ADCK5: variants seen among roughly 807,000 people sequenced by gnomAD.
The protein encoded by ADCK5 is uncharacterized aarF domain-containing protein kinase 5.
ADCK5 carries 43 observed loss-of-function variants against 64.9 expected under a neutral mutation model. The ratio of observed to expected loss-of-function variants is 0.66; its 90% CI spans 0.52 to 0.85. The LOEUF is 0.85. ADCK5 is among the 40% of genes least tolerant of loss of function. The pLI, the probability that ADCK5 is intolerant of heterozygous loss-of-function variation, is 0.00. For synonymous variants in ADCK5, 434 were observed against 342.8 expected (o/e 1.27, Z -2.94); for missense variants, 760 against 810.5 (o/e 0.94, Z 0.76).
At position 144,392,817 on chromosome 8, in the gene ADCK5, G is replaced by C. The variant is rs191475627; in HGVS notation, c.1562G>C (p.Arg521Pro). 1.3e-6 allele frequency: 2 copies of C among 1,593,116 alleles called. 1 individual carries two copies. The highest frequency in any genetic ancestry group is 1.7e-6 in the Non-Finnish European group (2 of 1,174,444). ...AGCCGCCTGGCGGGCGCCACGTATC[G>C]GGGTGTCTACGGCACCAGCCTCCTG... ...GWSRLAGATY[R>P]GVYGTSLLRH... The change falls in exon 14 of 15, where the codon CGG becomes CCG. Residue 521 changes from arginine to proline, a missense_variant. Physicochemically the swap from Arg to Pro is moderately radical, Grantham distance 103. Coordinates refer to ENST00000308860, the MANE Select transcript of ADCK5 (RefSeq NM_174922.5).
In ADCK5 at chr8:144,383,165, C is replaced by A; in HGVS notation, c.201C>A (p.Val67=). The A allele has an allele frequency of 3.1e-6, 5 of 1,600,072 alleles. No homozygotes were observed. The highest frequency in any genetic ancestry group is 2.6e-6 in the Non-Finnish European group (3 of 1,173,648). ...CCCTGCTCCTCGGAGCCCGCTATGT[C>A]ATGGCAGAGGCACGGGAGAAGAGGA... ...GAPLLLGARY[V]MAEAREKRRM... is the part of the protein sequence containing the mutation. Residue 67 remains valine (V), a synonymous_variant, in exon 3 of 15, where the codon GTC becomes GTA. Coordinates refer to ENST00000308860, the MANE Select transcript of ADCK5 (RefSeq NM_174922.5).
At chr8:144,378,072 G>C (rs1402840716) in intron 1 of ADCK5, among the ~76,000 whole-genome samples, 1 of 152,206 alleles carries the variant, frequency 6.6e-6, no homozygotes, top group Non-Finnish European at 1.5e-5. Flanking sequence ...GGGTATGTTT[G>C]ATGCCCTGTC....
rs1819831420 is a variant in ADCK5, at chr8:144,384,640, G to A, written c.266+1410G>A. On this transcript the variant is annotated intron_variant, in intron 3 of 14. Transcript: ENST00000308860. This position sits in a 1 kb window ranked among gnomAD's most constrained non-coding sequence, Gnocchi z 5.7. ...CTGCAGTGCATGCAAGGGCCACACA[G>A]GGCTGCCAGCCACCGTCCCCTGCAG... Among the ~76,000 whole-genome samples the A allele has an allele frequency of 6.6e-6, 1 of 152,200 alleles. No homozygotes were observed. The highest frequency in any genetic ancestry group is 2.4e-5 in the African/African-American group (1 of 41,456).
Position 144,392,876 on chromosome 8 carries a change from T to C in ADCK5, c.1621T>C (p.Phe541Leu). ...CAAGGTCGTCTGGGAGATGCTCAAG[T>C]TTGAAGTGGCGCTCAGGTGAGTGGC... ...HAKVVWEMLK[F>L]EVALRLETLA... Residue 541 changes from phenylalanine to leucine, a missense_variant, in exon 14 of 15, where the codon TTT becomes CTT. By Grantham distance (22) the Phe-to-Leu change is conservative (BLOSUM62 0). Around this residue, in one of 2 missense-constraint regions of ADCK5, gnomAD observed 333 missense variants for 292.0 expected, o/e 1.14. Coordinates refer to ENST00000308860, the MANE Select transcript of ADCK5 (RefSeq NM_174922.5). The C allele has an allele frequency of 1.2e-6, 2 of 1,601,862 alleles. No individual in the cohort carries two copies. The highest frequency in any genetic ancestry group is 1.7e-6 in the Non-Finnish European group (2 of 1,177,052).
At chr8:144,385,564 T>C (rs1487068661) in intron 3 of ADCK5, among the ~76,000 whole-genome samples, 1 of 150,718 alleles carries the variant, frequency 6.6e-6, no homozygotes, top group Non-Finnish European at 1.5e-5. Flanking sequence ...GGGGAATCAC[T>C]TGAACCTGGG....
chr8:144,382,821 T>C (rs1819737437), intron 2 of ADCK5, among the ~76,000 whole-genome samples: 1 of 152,238 alleles, frequency 6.6e-6, no homozygotes, highest in African/African-American at 2.4e-5. Context: ...CCATGTCCCA[T>C]GGCCCATTGG....
intron 1 of ADCK5, among the ~76,000 whole-genome samples, chr8:144,375,947 T>C (rs1386920132): frequency 6.6e-6 from 1 of 152,150 alleles, no homozygotes; most frequent in Non-Finnish European, 1.5e-5. Context: ...CTGGGTGCGG[T>C]TGGGGCTGTG....
rs1554861666 is a variant in ADCK5, at chr8:144,392,982, G to A, written c.1651G>A (p.Ala551Thr). The part of the protein sequence containing the change: ...FEVALRLETL[A>T]MRLTALLARA... The stretch of plus-strand genomic sequence containing the variant: ...TGACCCACGCAGGCTGGAGACCTTG[G>A]CCATGCGGCTGACCGCCCTCCTGGC... Residue 551 changes from alanine (A) to threonine (T), a missense_variant, in exon 15 of 15, where the codon GCC (alanine) becomes ACC (threonine). Transcript: ENST00000308860. 3.1e-6 allele frequency: 5 copies of A among 1,588,590 alleles called. No homozygotes were observed. In the Admixed American group the frequency reaches 7.0e-5, roughly 22 times the overall value.
At chr8:144,383,041 G>GT (rs1819748424) in intron 2 of ADCK5, 40 bp from the exon 3 acceptor site, 1 of 1,567,612 alleles carries the variant, frequency 6.4e-7, no homozygotes, top group Non-Finnish European at 8.6e-7. Context: ...CCAGCTGAAT[G>GT]TGGGGGGCGG....
intron 1 of ADCK5, among the ~76,000 whole-genome samples, chr8:144,378,502 G>C (rs1819468337): frequency 6.6e-6 from 1 of 151,934 alleles, no homozygotes; most frequent in South Asian, 2.1e-4. Context: ...TACTGTGCTT[G>C]CTTCCCATTT....
intron 1 of ADCK5, among the ~76,000 whole-genome samples, chr8:144,379,086 A>T (rs138227171): frequency 6.6e-6 from 1 of 151,764 alleles, no homozygotes; most frequent in Non-Finnish European, 1.5e-5. Flanking sequence ...TACATGCACC[A>T]CTATGCCCAA....
chr8:144,375,416 A>G, intron 1 of ADCK5: 1 of 959,612 alleles, frequency 1.0e-6, no homozygotes, highest in Non-Finnish European at 1.2e-6. Context: ...GTTGAGGTGC[A>G]CAGTGCTGTT....
chr8:144,384,455 A>G lies in ADCK5; in HGVS notation c.266+1225A>G, dbSNP rs1819822827. 6.6e-6 allele frequency among the ~76,000 whole-genome samples: 1 copy of G among 152,156 alleles called. No homozygotes were observed. The highest frequency in any genetic ancestry group is 1.5e-5 in the Non-Finnish European group (1 of 68,024). On this transcript the variant is annotated intron_variant, in intron 3 of 14. Coordinates refer to ENST00000308860, the MANE Select transcript of ADCK5 (RefSeq NM_174922.5). The surrounding 1 kb of genome is among the most constrained non-coding windows in gnomAD (Gnocchi z 5.7). Reference sequence around the variant, plus strand: ...CTAAAAGACAAAACAGTCGTTCCCCACGTGGGTCTCCCTGGCATCTGGTTT... The same window carrying G: ...CTAAAAGACAAAACAGTCGTTCCCCGCGTGGGTCTCCCTGGCATCTGGTTT...
rs1554860186 is a variant in ADCK5 at position 144,390,663 on chromosome 8, G to A, written c.267-8G>A. 1 of 1,613,010 alleles carries A rather than the reference G, an allele frequency of 6.2e-7. No individual in the cohort carries two copies. The highest frequency in any genetic ancestry group is 1.7e-5 in the Admixed American group (1 of 59,918). On this transcript the variant is annotated splice_polypyrimidine_tract_variant and splice_region_variant and intron_variant, in intron 3 of 14. Transcript: ENST00000308860. ...CCCGCTGGAGACTGAGGCCACCTCTGCCCGCAGGTCTCTGAAGGTCGGCCT... is the reference window on the plus strand; with the variant it reads ...CCCGCTGGAGACTGAGGCCACCTCTACCCGCAGGTCTCTGAAGGTCGGCCT...
At chr8:144,378,097 C>G (rs1053023925) in intron 1 of ADCK5, among the ~76,000 whole-genome samples, 1 of 152,210 alleles carries the variant, frequency 6.6e-6, no homozygotes, top group Non-Finnish European at 1.5e-5. Context: ...TCTGAGGCAT[C>G]AGCCCTGGTT....
chr8:144,387,406 C>A (rs971541001), intron 3 of ADCK5, among the ~76,000 whole-genome samples: 2 of 149,418 alleles, frequency 1.3e-5, no homozygotes, highest in East Asian at 2.0e-4. Flanking sequence ...TTGTTTGTTT[C>A]TTTATTTATT....
intron 3 of ADCK5, 124 bp from the exon 4 acceptor site, chr8:144,390,547 C>T: frequency 9.5e-7 from 1 of 1,052,140 alleles, no homozygotes; most frequent in South Asian, 1.4e-5. Flanking sequence ...CCTGGCTTGG[C>T]CTCACCCTTG....
Position 144,391,914 on chromosome 8 carries a change from C to T in ADCK5, c.1015-27C>T, listed in dbSNP as rs782770887. 1.4e-5 allele frequency: 23 copies of T among 1,611,398 alleles called. No individual in the cohort carries two copies. In the South Asian group the frequency reaches 2.1e-4, roughly 15 times the overall value. ...GGGTCAGGGCGGGCTGGTGCTGTGT[C>T]CACTGCAATGCCTCTCCTCTCCCCA... On this transcript the variant is annotated intron_variant, in intron 9 of 14. Coordinates refer to ENST00000308860, the MANE Select transcript of ADCK5 (RefSeq NM_174922.5).
chr8:144,375,547 C>G (rs1819328592), intron 1 of ADCK5: 1 of 985,340 alleles, frequency 1.0e-6, no homozygotes. Flanking sequence ...TCCTCCTCAT[C>G]TGCAGGCGCT....
Sources: allele counts gnomAD v4.1 joint callset (sites outside exome capture counted in the v4.1 genomes callset), GRCh38; gene constraint gnomAD v4.1.1; regional missense constraint gnomAD v4.1.1; non-coding constraint Gnocchi (gnomAD v3.1); transcripts MANE v1.5; gene names NCBI Gene and HGNC (gene_info 2026-07-23, HGNC 2026-07-21).